LRP1B: variants seen among roughly 807,000 people sequenced by gnomAD.
LRP1B encodes LDL receptor related protein 1B.
LRP1B carries 217 observed loss-of-function variants against 556.6 expected under a neutral mutation model. The ratio of observed to expected loss-of-function variants is 0.39; its 90% CI spans 0.35 to 0.44. The LOEUF (loss-of-function observed/expected upper bound fraction) is 0.44. Among genes scored for constraint, LRP1B ranks in the 20% least tolerant of loss-of-function variants. The pLI, the probability that LRP1B is intolerant of heterozygous loss-of-function variation, is 1.00. For synonymous variants in LRP1B, 2,047 were observed against 1,865.8 expected, an observed-to-expected ratio of 1.10 and a Z score of -2.50; for missense variants, 5,053 against 5,620.8, an observed-to-expected ratio of 0.90 and a Z score of 3.23.
intron 41 of LRP1B, among the ~76,000 whole-genome samples, chr2:140,639,558 C>A (rs908683575): frequency 6.6e-6 from 1 of 152,160 alleles, no homozygotes; most frequent in Non-Finnish European, 1.5e-5. Flanking sequence ...TCAGTATCTG[C>A]ACAGTACTTG....
At chr2:141,879,350 G>A (rs983072956) in intron 1 of LRP1B, among the ~76,000 whole-genome samples, 9 of 151,844 alleles carry the variant, frequency 5.9e-5, no homozygotes, top group Non-Finnish European at 1.2e-4. Flanking sequence ...GAAAAACAAA[G>A]ACTTGATATA....
intron 2 of LRP1B, among the ~76,000 whole-genome samples, chr2:141,607,320 T>C (rs1319460702): frequency 6.6e-6 from 1 of 152,198 alleles, no homozygotes; most frequent in East Asian, 1.9e-4. Flanking sequence ...GTAAAAGCTA[T>C]TTGTGTCAAA....
At chr2:140,366,436 G>A (rs1682765063) in intron 71 of LRP1B, among the ~76,000 whole-genome samples, 1 of 151,704 alleles carries the variant, frequency 6.6e-6, no homozygotes, top group African/African-American at 2.4e-5. Context: ...GTGATGTCGA[G>A]CAAGCTGGTG....
intron 41 of LRP1B, among the ~76,000 whole-genome samples, chr2:140,627,445 A>G (rs1683704960): frequency 6.6e-6 from 1 of 152,132 alleles, no homozygotes; most frequent in South Asian, 2.1e-4. Context: ...ATCGGTCTCC[A>G]AGTTCTTGTT....
chr2:141,940,007 A>G (rs375013564), intron 1 of LRP1B, among the ~76,000 whole-genome samples: 1 of 22,724 alleles, frequency 4.4e-5, no homozygotes, highest in Non-Finnish European at 1.0e-4. Flanking sequence ...AGTGATAAAC[A>G]TTAAATCTCA....
chr2:141,971,063 T>C (rs965082255), intron 1 of LRP1B, among the ~76,000 whole-genome samples: 1 of 151,498 alleles, frequency 6.6e-6, no homozygotes, highest in Non-Finnish European at 1.5e-5. Context: ...TAGCAAGCCT[T>C]AGAGAAGAGC....
In LRP1B at chr2:140,501,871, T is replaced by C. The variant is rs1381052024; in HGVS notation, c.8666A>G (p.Gln2889Arg). The stretch of plus-strand genomic sequence containing the variant: ...CATAAAAAATGAACTGTTGCATGAC[T>C]GTTCTGGAAAAAAAATAAAACAAAT... ...PLNPKCKSAE[Q>R]SCNSSFFMCK... Residue 2889 changes from glutamine to arginine, a missense_variant, in exon 55 of 91, where the codon CAG (glutamine) becomes CGG (arginine). Coordinates refer to ENST00000389484, the MANE Select transcript of LRP1B (RefSeq NM_018557.3). 1.9e-6 allele frequency: 3 copies of C among 1,585,008 alleles called. No individual in the cohort carries two copies. In the African/African-American group the frequency reaches 4.1e-5, roughly 22 times the overall value.
At chr2:141,684,436 A>G (rs2105435170) in intron 2 of LRP1B, among the ~76,000 whole-genome samples, 1 of 152,108 alleles carries the variant, frequency 6.6e-6, no homozygotes, top group South Asian at 2.1e-4. Flanking sequence ...GGGGAACATC[A>G]CAAACCAGGG....
At chr2:142,006,228 T>G (rs1294527664) in intron 1 of LRP1B, among the ~76,000 whole-genome samples, 1 of 152,194 alleles carries the variant, frequency 6.6e-6, no homozygotes, top group African/African-American at 2.4e-5. Context: ...CCTGCTATAT[T>G]ATTTGTAACC....
intron 3 of LRP1B, among the ~76,000 whole-genome samples, chr2:141,449,479 A>G (rs982738899): frequency 6.6e-6 from 1 of 152,162 alleles, no homozygotes; most frequent in Non-Finnish European, 1.5e-5. Context: ...TACATTTTTT[A>G]TATTGCAGAT....
intron 25 of LRP1B, among the ~76,000 whole-genome samples, chr2:140,878,245 A>G (rs1693370121): frequency 6.6e-6 from 1 of 152,146 alleles, no homozygotes; most frequent in Non-Finnish European, 1.5e-5. Flanking sequence ...ACTCAAATAA[A>G]TAGGTACAAA....
chr2:141,961,367 T>C (rs1186664795), intron 1 of LRP1B, among the ~76,000 whole-genome samples: 1 of 151,698 alleles, frequency 6.6e-6, no homozygotes, highest in Non-Finnish European at 1.5e-5. Context: ...GGAGACAAGA[T>C]AAAAGGTTCA....
At chr2:140,285,528 A>C (rs867820247) in intron 84 of LRP1B, among the ~76,000 whole-genome samples, 1 of 151,602 alleles carries the variant, frequency 6.6e-6, no homozygotes, top group Non-Finnish European at 1.5e-5. Context: ...CTGGCAGAAT[A>C]ATATATACAA....
intron 7 of LRP1B, among the ~76,000 whole-genome samples, chr2:141,105,600 C>A (rs1700584088): frequency 1.3e-5 from 2 of 152,114 alleles, no homozygotes; most frequent in Admixed American, 6.6e-5. Context: ...GAGTATCTTG[C>A]TCTGGTTTCA....
At chr2:140,738,442 C>A (rs192312378) in intron 35 of LRP1B, among the ~76,000 whole-genome samples, 2 of 152,204 alleles carry the variant, frequency 1.3e-5, no homozygotes, top group African/African-American at 4.8e-5. Context: ...ATAACATGCA[C>A]TTCTCAAATT....
Position 140,935,754 on chromosome 2 carries a change from G to A in LRP1B, c.3137-12607C>T, listed in dbSNP as rs13400144. On this transcript the variant is annotated intron_variant, in intron 20 of 90. Coordinates refer to ENST00000389484, the MANE Select transcript of LRP1B (RefSeq NM_018557.3). ...AAGAAAAAGAGAAAATCTTGAAAGC[G>A]GCAAGTGAGAAGATACTCATCACAT... 8.5e-3 allele frequency among the ~76,000 whole-genome samples: 1,286 copies of A among 151,992 alleles called. 21 individuals carry two copies. Among genetic ancestry groups the A allele is most frequent in the African/African-American group, 0.03 (1,233 of 41,442 alleles).
intron 87 of LRP1B, among the ~76,000 whole-genome samples, chr2:140,241,873 C>T (rs935110121): frequency 2.7e-5 from 4 of 150,836 alleles, no homozygotes; most frequent in Non-Finnish European, 5.9e-5. Context: ...CATGTTTTAA[C>T]AGTACATTGT....
At position 141,218,099 on chromosome 2, in the gene LRP1B, G is replaced by GA. The variant is rs531379046; in HGVS notation, c.850+11083dup. Among the ~76,000 whole-genome samples, 626 of 151,654 alleles carry GA rather than the reference G, an allele frequency of 4.1e-3. 3 individuals carry two copies. The highest frequency in any genetic ancestry group is 0.014 in the African/African-American group (570 of 41,380). ...AATAACAGATGTTGGTGAGATTGAA[G>GA]AAAAAAAAGGAAACACTCATACACT... is the stretch of plus-strand genomic sequence containing the variant. On this transcript the variant is annotated intron_variant, in intron 6 of 90. Transcript: ENST00000389484.
At chr2:141,004,644 A>T (rs929639242) in intron 15 of LRP1B, among the ~76,000 whole-genome samples, 1 of 152,024 alleles carries the variant, frequency 6.6e-6, no homozygotes, top group African/African-American at 2.4e-5. Flanking sequence ...ACATCCTATT[A>T]GTTCTGTTTT....
Sources: allele counts gnomAD v4.1 joint callset (sites outside exome capture counted in the v4.1 genomes callset), GRCh38; gene constraint gnomAD v4.1.1; transcripts MANE v1.5; gene names NCBI Gene and HGNC (gene_info 2026-07-23, HGNC 2026-07-21).